Variants in CADM2 observed in about 807,000 individuals in gnomAD.
CADM2 encodes cell adhesion molecule 2, also known as immunoglobulin superfamily member 4D.
In CADM2, 12 loss-of-function variants were observed where a neutral mutation model predicts 49.8. The ratio of observed to expected loss-of-function variants is 0.24; its 90% CI spans 0.15 to 0.39. CADM2 has a LOEUF of 0.39. Among genes scored for constraint, CADM2 ranks in the 10% least tolerant of loss-of-function variants. The pLI is 1.00. For synonymous variants in CADM2, 214 were observed against 175.4 expected (o/e 1.22, Z -1.74); for missense variants, 378 against 492.3 (o/e 0.77, Z 2.20).
At chr3:86,027,282 T>C (rs1734013400) in intron 8 of CADM2, among the ~76,000 whole-genome samples, 1 of 152,316 alleles carries the variant, frequency 6.6e-6, no homozygotes, top group Non-Finnish European at 1.5e-5. Context: ...TTCTGTTAAA[T>C]TTAAAACATA....
At chr3:85,130,389 A>G (rs1038890734) in intron 1 of CADM2, among the ~76,000 whole-genome samples, 1 of 152,224 alleles carries the variant, frequency 6.6e-6, no homozygotes, top group African/African-American at 2.4e-5. Flanking sequence ...TATCACAAAG[A>G]TGAATTGCCT....
At chr3:85,756,119 G>C (rs2069107479) in intron 2 of CADM2, among the ~76,000 whole-genome samples, 2 of 152,042 alleles carry the variant, frequency 1.3e-5, no homozygotes, top group East Asian at 1.9e-4. Flanking sequence ...AAATTCTAAG[G>C]GTGTTTGAAT....
intron 1 of CADM2, among the ~76,000 whole-genome samples, chr3:85,010,727 T>A (rs1311787459): frequency 6.6e-6 from 1 of 152,014 alleles, no homozygotes; most frequent in Admixed American, 6.6e-5. Context: ...AGGTGATTTT[T>A]TTTTTCTCCT....
At chr3:85,998,098 A>G (rs1340643053) in intron 8 of CADM2, among the ~76,000 whole-genome samples, 1 of 152,176 alleles carries the variant, frequency 6.6e-6, no homozygotes, top group Non-Finnish European at 1.5e-5. Flanking sequence ...TTTTTAATAG[A>G]GTAATCCCAC....
chr3:85,904,276 G>A (rs1716502462), intron 5 of CADM2, among the ~76,000 whole-genome samples: 1 of 152,080 alleles, frequency 6.6e-6, no homozygotes, highest in South Asian at 2.1e-4. Flanking sequence ...TTTATTCTTG[G>A]CATATGAGCA....
chr3:85,956,071 G>A (rs1363905846), intron 7 of CADM2, among the ~76,000 whole-genome samples: 2 of 151,578 alleles, frequency 1.3e-5, no homozygotes, highest in African/African-American at 4.8e-5. Flanking sequence ...ATTTGGGCTG[G>A]TTAAAGAGAA....
At chr3:85,956,637 G>A (rs1724087767) in intron 7 of CADM2, among the ~76,000 whole-genome samples, 1 of 148,094 alleles carries the variant, frequency 6.8e-6, no homozygotes, top group African/African-American at 2.5e-5. Context: ...AGATGCTGTT[G>A]TTATTTCCTT....
At chr3:85,185,822 A>G (rs1240456470) in intron 1 of CADM2, among the ~76,000 whole-genome samples, 5 of 152,204 alleles carry the variant, frequency 3.3e-5, no homozygotes, top group Admixed American at 1.3e-4. Context: ...AGCTGCTCTT[A>G]AGGATAGCAG....
At chr3:85,530,812 G>C (rs9848213) in intron 1 of CADM2, among the ~76,000 whole-genome samples, 132,153 of 151,292 alleles carry the variant, frequency 0.87, 57,864 homozygotes, top group East Asian at 0.95. Flanking sequence ...AGAAAAGATT[G>C]TGTCTTAGCA....
intron 1 of CADM2, among the ~76,000 whole-genome samples, chr3:85,646,913 G>A (rs1370404661): frequency 6.6e-6 from 1 of 151,854 alleles, no homozygotes; most frequent in African/African-American, 2.4e-5. Flanking sequence ...TCCTTGGCCT[G>A]TGGTAAAACA....
intron 1 of CADM2, among the ~76,000 whole-genome samples, chr3:85,532,608 G>A (rs62252503): frequency 1.3e-5 from 2 of 151,476 alleles, no homozygotes; most frequent in Admixed American, 6.6e-5. Context: ...AGGAGAAATT[G>A]TATTTCATTG....
chr3:85,409,402 A>G (rs1022878900), intron 1 of CADM2, among the ~76,000 whole-genome samples: 4 of 152,164 alleles, frequency 2.6e-5, no homozygotes, highest in Non-Finnish European at 5.9e-5. Flanking sequence ...AAGTACTGAA[A>G]TCAAATAAAG....
chr3:85,915,720 G>A (rs1718207154), intron 6 of CADM2, among the ~76,000 whole-genome samples: 2 of 152,050 alleles, frequency 1.3e-5, no homozygotes, highest in South Asian at 2.1e-4. Flanking sequence ...GGTTAATCTG[G>A]GATTTATGGA....
At chr3:85,724,655 C>A (rs2067622759) in intron 1 of CADM2, among the ~76,000 whole-genome samples, 1 of 121,058 alleles carries the variant, frequency 8.3e-6, no homozygotes, top group Admixed American at 8.7e-5. Flanking sequence ...ATAGTAAAAT[C>A]TTCTTCTGGA....
At chr3:85,222,344 T>C (rs2042061648) in intron 1 of CADM2, among the ~76,000 whole-genome samples, 2 of 152,110 alleles carry the variant, frequency 1.3e-5, no homozygotes, top group African/African-American at 4.8e-5. Context: ...GACACATTCA[T>C]TGTTCTAAGA....
chr3:85,458,524 A>G (rs1413179378), intron 1 of CADM2, among the ~76,000 whole-genome samples: 1 of 152,220 alleles, frequency 6.6e-6, no homozygotes, highest in Non-Finnish European at 1.5e-5. Context: ...AGAAAAGGTC[A>G]TATTGAACTG....
intron 1 of CADM2, among the ~76,000 whole-genome samples, chr3:85,325,124 C>CA: frequency 6.6e-6 from 1 of 152,328 alleles, no homozygotes; most frequent in African/African-American, 2.4e-5. Context: ...GTAAAGCACA[C>CA]AAATGAAGTT....
At chr3:85,321,112 ATATATTTTTTTTTTTTTTTTTTTTTT>A (rs2044592943) in intron 1 of CADM2, among the ~76,000 whole-genome samples, 8 of 35,864 alleles carry the variant, frequency 2.2e-4, no homozygotes, top group African/African-American at 5.5e-4. Context: ...ATATATATAT[ATATATTTTTTTTTTTTTTTTTTTTTT>A]TTTTTTTTTT....
chr3:85,769,310 A>T (rs2069881804), intron 2 of CADM2, among the ~76,000 whole-genome samples: 1 of 126,692 alleles, frequency 7.9e-6, no homozygotes, highest in Non-Finnish European at 1.5e-5. Context: ...ACGTATATAC[A>T]TATATACATA....
Sources: gnomAD v4.1 joint callset for allele counts (sites outside exome capture counted in the v4.1 genomes callset) on GRCh38, gnomAD v4.1.1 for gene constraint, MANE v1.5 for transcripts, NCBI Gene and HGNC (gene_info 2026-07-23, HGNC 2026-07-21) for gene names.